Variants in RUFY1 observed in about 807,000 individuals in gnomAD.
RUFY1 encodes RUN and FYVE domain containing 1, also known as RUN and FYVE domain-containing protein 1.
Under a neutral mutation model 94.6 loss-of-function variants are expected in RUFY1, and 54 were observed. The observed-to-expected ratio is 0.57, with a 90% CI of 0.46 to 0.72. The LOEUF (loss-of-function observed/expected upper bound fraction) is 0.72, where lower values mean the gene tolerates loss of function less well. RUFY1 is among the 30% of genes least tolerant of loss of function. The pLI, the probability that RUFY1 is intolerant of heterozygous loss-of-function variation, is 0.00. For missense variants in RUFY1, 883 were observed against 883.9 expected (o/e 1.00, Z 0.01); for synonymous variants, 396 against 347.3 (o/e 1.14, Z -1.56).
In RUFY1 at chr5:179,550,603, CG is replaced by C. The variant is rs1237636339; in HGVS notation, c.39del (p.Arg14GlyfsTer54). 2 of 1,359,220 alleles carry C rather than the reference CG, an allele frequency of 1.5e-6. No individual in the cohort carries two copies. The highest frequency in any genetic ancestry group is 1.9e-6 in the Non-Finnish European group (2 of 1,057,098). 84.2% of individuals were successfully genotyped at this position (1,359,220 alleles called of 1,614,324 possible). A position where few individuals can be genotyped will look rare whatever the true frequency, so the allele number is the denominator to read the frequency against. ...ADREGGCAAGRGRELEPELEP... is the reference protein window; with the variant it reads ...ADREGGCAAGXGRELEPELEP... Reference sequence around the variant, plus strand: ...CCGGGAAGGCGGCTGCGCTGCTGGGCGGGGGCGGGAGCTGGAGCCGGAGCTG... The same window carrying C: ...CCGGGAAGGCGGCTGCGCTGCTGGGCGGGGCGGGAGCTGGAGCCGGAGCTG... On this transcript the variant is annotated frameshift_variant, in exon 1 of 18. Coordinates refer to ENST00000319449, the MANE Select transcript of RUFY1 (RefSeq NM_025158.5). LOFTEE classifies it high-confidence loss of function.
chr5:179,572,594 G>A, intron 5 of RUFY1: 2 of 229,944 alleles, frequency 8.7e-6, no homozygotes, highest in Non-Finnish European at 9.1e-6. Flanking sequence ...TTTGCCTCTG[G>A]GGTGCTCCAT....
intron 6 of RUFY1, among the ~76,000 whole-genome samples, chr5:179,579,839 G>A (rs1439500895): frequency 6.7e-6 from 1 of 149,214 alleles, no homozygotes; most frequent in Non-Finnish European, 1.5e-5. Flanking sequence ...AATTTTTTGT[G>A]TGTATTTTTA....
At chr5:179,578,133 G>A (rs1763805585) in intron 6 of RUFY1, among the ~76,000 whole-genome samples, 1 of 152,026 alleles carries the variant, frequency 6.6e-6, no homozygotes, top group Non-Finnish European at 1.5e-5. Context: ...TTTACCATTG[G>A]TCAAATATAA....
chr5:179,598,507 C>A (rs760032461), intron 13 of RUFY1, among the ~76,000 whole-genome samples, 185 bp from the exon 14 acceptor site: 9 of 152,182 alleles, frequency 5.9e-5, no homozygotes, highest in Non-Finnish European at 1.3e-4. Flanking sequence ...CTTTTCTCTC[C>A]CTGGTTCCTG....
In RUFY1 at chr5:179,557,622, A is replaced by G. The variant is rs939887019; in HGVS notation, c.311-2403A>G. ...TGTATTTCAAATCCATTTTCATCAA[A>G]TACTTAGCTGCAGTTTGGGCTCATT... On this transcript the variant is annotated intron_variant, in intron 1 of 17. Transcript: ENST00000319449. Among the ~76,000 whole-genome samples the G allele has an allele frequency of 6.4e-4, 98 of 152,180 alleles. 2 individuals are homozygous for G. Among genetic ancestry groups the G allele is most frequent in the Non-Finnish European group, 1.6e-4 (11 of 68,036 alleles).
chr5:179,601,838 A>G, intron 14 of RUFY1, 54 bp from the exon 15 acceptor site: 1 of 1,156,324 alleles, frequency 8.6e-7, no homozygotes. Flanking sequence ...AAAAAAAAAA[A>G]AAAAAGGACC....
Position 179,593,627 on chromosome 5 carries a change from G to A in RUFY1, c.1395G>A (p.Gln465=), listed in dbSNP as rs778430710. The change falls in exon 11 of 18, where the codon CAG becomes CAA. Residue 465 remains glutamine (Q), a synonymous_variant. Transcript: ENST00000319449. ...QLEEVKAINL[Q]MFHKAQNAES... is the part of the protein sequence containing the mutation. ...AAGAAGTCAAAGCGATTAATTTACA[G>A]ATGTTTCACAAAGCTCAGGTGGGAG... The A allele has an allele frequency of 6.2e-7, 1 of 1,613,916 alleles. No homozygotes were observed. Among genetic ancestry groups the A allele is most frequent in the African/African-American group, 1.3e-5 (1 of 74,928 alleles).
At chr5:179,591,343 C>T (rs1765078606) in intron 9 of RUFY1, among the ~76,000 whole-genome samples, 1 of 151,946 alleles carries the variant, frequency 6.6e-6, no homozygotes, top group African/African-American at 2.4e-5. Flanking sequence ...CACCACCACG[C>T]CCAGCTAATT....
At position 179,554,725 on chromosome 5, in the gene RUFY1, T is replaced by C. The variant is rs1762024048; in HGVS notation, c.310+3846T>C. Among the ~76,000 whole-genome samples, 2 of 151,724 alleles carry C rather than the reference T, an allele frequency of 1.3e-5. 1 individual carries two copies. The highest frequency in any genetic ancestry group is 4.2e-4 in the South Asian group (2 of 4,804). On this transcript the variant is annotated intron_variant, in intron 1 of 17. Transcript: ENST00000319449. ...GCTCATGCCTGTAATCCCAGCACTT[T>C]GGGAGGCCGAGGCGGGCGGATCATT...
Position 179,591,625 on chromosome 5 carries a change from A to G in RUFY1, c.1129A>G (p.Ile377Val), listed in dbSNP as rs1341031185. 2.5e-6 allele frequency: 4 copies of G among 1,598,478 alleles called. No homozygotes were observed. Among genetic ancestry groups the G allele is most frequent in the Admixed American group, 3.4e-5 (2 of 58,628 alleles). ...IRERSEKSVE[I>V]TKQDTKVELE... ...CTCTTGGTGTCCTTGTTTGATACAG[A>G]TAACAAAACAGGATACCAAAGTTGA... The change falls in exon 10 of 18, where the codon ATA becomes GTA. Residue 377 changes from isoleucine (I) to valine (V), a missense_variant and splice_region_variant. Physicochemically the swap from Ile to Val is conservative, Grantham distance 29 (BLOSUM62 3). Transcript: ENST00000319449.
rs61062422 is a variant in RUFY1 at position 179,579,657 on chromosome 5, CTTTTTT to C, written c.891-1273_891-1268del. On this transcript the variant is annotated intron_variant, in intron 6 of 17. Coordinates refer to ENST00000319449, the MANE Select transcript of RUFY1 (RefSeq NM_025158.5). The stretch of plus-strand genomic sequence containing the variant: ...TAACAAAATATACCCTTTTCTTCTT[CTTTTTT>C]TTTTTTTTTTTTTTTTGAGATGGAA... 2.6e-4 allele frequency among the ~76,000 whole-genome samples: 13 copies of C among 50,548 alleles called. 1 individual carries two copies. The highest frequency in any genetic ancestry group is 2.5e-4 in the African/African-American group (4 of 16,276). 33.2% of individuals were successfully genotyped at this position (50,548 alleles called of 152,430 possible).
intron 1 of RUFY1, among the ~76,000 whole-genome samples, chr5:179,551,975 C>G (rs1761879447): frequency 6.6e-6 from 1 of 151,210 alleles, no homozygotes; most frequent in South Asian, 2.1e-4. Context: ...ACCATCCTGG[C>G]CAACATGGTG....
chr5:179,558,569 T>A (rs1303449918), intron 1 of RUFY1, among the ~76,000 whole-genome samples: 1 of 120,300 alleles, frequency 8.3e-6, no homozygotes, highest in Non-Finnish European at 1.8e-5. Flanking sequence ...TGAAACAACA[T>A]CTCAAAAAAA....
chr5:179,561,525 C>T (rs1762450052), intron 2 of RUFY1, among the ~76,000 whole-genome samples: 1 of 148,956 alleles, frequency 6.7e-6, no homozygotes, highest in Non-Finnish European at 1.5e-5. Context: ...GGGGAGGTGA[C>T]AGTATTAGGA....
chr5:179,591,896 A>T (rs1765141952), intron 10 of RUFY1, among the ~76,000 whole-genome samples, 155 bp downstream of exon 10: 1 of 152,130 alleles, frequency 6.6e-6, no homozygotes, highest in African/African-American at 2.4e-5. Flanking sequence ...GTTACAACTC[A>T]GTTGTGCATT....
At chr5:179,605,544 T>C (rs975692456) in intron 15 of RUFY1, among the ~76,000 whole-genome samples, 63 of 152,264 alleles carry the variant, frequency 4.1e-4, no homozygotes, top group Non-Finnish European at 3.1e-4. Context: ...TAGAGACTAG[T>C]GCAGAACAGG....
intron 15 of RUFY1, among the ~76,000 whole-genome samples, chr5:179,605,648 G>A (rs751734342): frequency 2.6e-5 from 4 of 152,104 alleles, no homozygotes; most frequent in Admixed American, 6.6e-5. Context: ...GTGTGTTCTC[G>A]TGCCAGATGC....
chr5:179,555,603 C>T (rs920700385), intron 1 of RUFY1: 4 of 402,908 alleles, frequency 9.9e-6, no homozygotes, highest in African/African-American at 2.2e-5. Flanking sequence ...TCATGTAACC[C>T]CCTAAGAAAA....
At chr5:179,607,742 A>G (rs994820744) in intron 17 of RUFY1, 83 bp downstream of exon 17, 8 of 1,229,376 alleles carry the variant, frequency 6.5e-6, no homozygotes, top group Non-Finnish European at 9.5e-6. Flanking sequence ...AGAAGCCCAT[A>G]TCAGAGCAGG....
Sources: allele counts gnomAD v4.1 joint callset (sites outside exome capture counted in the v4.1 genomes callset), GRCh38; gene constraint gnomAD v4.1.1; transcripts MANE v1.5; gene names NCBI Gene and HGNC (gene_info 2026-07-23, HGNC 2026-07-21).